The following HYCC2 variants were observed in gnomAD, a reference collection of about 807,000 sequenced individuals.
HYCC2 encodes hyccin PI4KA lipid kinase complex subunit 2, also known as hyccin 2.
the HYCC2 span, among the ~76,000 whole-genome samples, chr2:201,027,724 T>C: frequency 6.6e-6 from 1 of 152,238 alleles, no homozygotes; most frequent in Non-Finnish European, 1.5e-5. Flanking sequence ...CACATGATTA[T>C]CTCAATAGAT....
the HYCC2 span, among the ~76,000 whole-genome samples, chr2:201,039,423 C>A: frequency 6.6e-6 from 1 of 152,148 alleles, no homozygotes; most frequent in African/African-American, 2.4e-5. Flanking sequence ...ACTTGGAAAA[C>A]TAAATACCAA....
At chr2:201,009,873 GT>G in the HYCC2 span, among the ~76,000 whole-genome samples, 1 of 151,918 alleles carries the variant, frequency 6.6e-6, no homozygotes, top group Non-Finnish European at 1.5e-5. Context: ...GGAGGCCAAG[GT>G]GGGCAGATCA....
chr2:201,051,881 A>G, the HYCC2 span, among the ~76,000 whole-genome samples: 1 of 152,186 alleles, frequency 6.6e-6, no homozygotes, highest in Admixed American at 6.6e-5. Context: ...CATAGAGAAC[A>G]CCCCAATCCT....
At chr2:201,049,313 T>C in the HYCC2 span, among the ~76,000 whole-genome samples, 7 of 152,098 alleles carry the variant, frequency 4.6e-5, no homozygotes, top group Non-Finnish European at 8.8e-5. Context: ...TACAGAACAC[T>C]GTAACTAGCA....
At chr2:201,040,610 G>A in the HYCC2 span, among the ~76,000 whole-genome samples, 2 of 151,702 alleles carry the variant, frequency 1.3e-5, no homozygotes, top group Non-Finnish European at 2.9e-5. Context: ...CTCAGCCTCC[G>A]AGTAGCTGGG....
At chr2:201,059,127 T>C in the HYCC2 span, among the ~76,000 whole-genome samples, 1 of 152,210 alleles carries the variant, frequency 6.6e-6, no homozygotes, top group Admixed American at 6.5e-5. Context: ...TTGGACTGTG[T>C]CTGACTGGAA....
At chr2:201,009,303 C>T in the HYCC2 span, 5 of 381,042 alleles carry the variant, frequency 1.3e-5, no homozygotes, top group Non-Finnish European at 2.4e-5. Flanking sequence ...AAACTAAAAA[C>T]ATTTTTTAAA....
the HYCC2 span, among the ~76,000 whole-genome samples, chr2:201,018,251 T>G: frequency 6.6e-6 from 1 of 152,144 alleles, no homozygotes; most frequent in Non-Finnish European, 1.5e-5. Context: ...ATGGGTTTGC[T>G]GGAGTAACCG....
At chr2:201,005,996 G>A in the HYCC2 span, among the ~76,000 whole-genome samples, 1 of 151,908 alleles carries the variant, frequency 6.6e-6, no homozygotes, top group Non-Finnish European at 1.5e-5. Flanking sequence ...ACCACGCCTG[G>A]CTAACTTTTG....
chr2:201,020,967 T>A, the HYCC2 span, among the ~76,000 whole-genome samples: 1 of 151,958 alleles, frequency 6.6e-6, no homozygotes, highest in Admixed American at 6.6e-5. Context: ...CGGGGTTTCA[T>A]CATGTTGGCC....
At chr2:201,015,693 C>T in the HYCC2 span, among the ~76,000 whole-genome samples, 3 of 152,204 alleles carry the variant, frequency 2.0e-5, no homozygotes, top group Non-Finnish European at 4.4e-5. Context: ...CTAAACTCTT[C>T]ACTTTAAAAA....
At chr2:201,024,160 G>T in the HYCC2 span, 1 of 552,594 alleles carries the variant, frequency 1.8e-6, no homozygotes. Context: ...AAGGTGACTT[G>T]TCTTAGTTTG....
chr2:200,983,087 T>C, the HYCC2 span, among the ~76,000 whole-genome samples: 1 of 152,188 alleles, frequency 6.6e-6, no homozygotes, highest in Non-Finnish European at 1.5e-5. Flanking sequence ...TGGGTTTTTG[T>C]AGGAAGAAGA....
chr2:200,981,520 G>A, the HYCC2 span: 1 of 1,614,226 alleles, frequency 6.2e-7, no homozygotes, highest in Non-Finnish European at 8.5e-7. The surrounding 1 kb of genome is among the most constrained non-coding windows in gnomAD (Gnocchi z 4.5). Flanking sequence ...AGCACTGGCT[G>A]TCCGGATTAG....
At chr2:201,040,297 C>T in the HYCC2 span, among the ~76,000 whole-genome samples, 1 of 152,186 alleles carries the variant, frequency 6.6e-6, no homozygotes, top group East Asian at 1.9e-4. Context: ...TGTACAGCAG[C>T]AGTTCTCAGC....
the HYCC2 span, chr2:200,978,610 G>A: frequency 1.3e-5 from 2 of 151,298 alleles, no homozygotes; most frequent in African/African-American, 4.9e-5. Context: ...CGAGTAGCTG[G>A]GATTACAGGC....
chr2:201,001,137 CAAAAA>C, the HYCC2 span, among the ~76,000 whole-genome samples: 2 of 70,334 alleles, frequency 2.8e-5, no homozygotes, highest in Non-Finnish European at 2.9e-5. Flanking sequence ...GACTCTGTCT[CAAAAA>C]AAAAAAAAAA....
the HYCC2 span, chr2:200,988,426 AATG>A: frequency 6.2e-7 from 1 of 1,609,644 alleles, no homozygotes; most frequent in Non-Finnish European, 8.5e-7. Context: ...GGCAACCTAC[AATG>A]ATAATATAAG....
At chr2:201,036,726 G>C in the HYCC2 span, among the ~76,000 whole-genome samples, 35 of 152,150 alleles carry the variant, frequency 2.3e-4, no homozygotes, top group African/African-American at 8.2e-4. Flanking sequence ...CAATAAATTA[G>C]ATACTGATGG....
Sources: allele counts gnomAD v4.1 joint callset (sites outside exome capture counted in the v4.1 genomes callset), GRCh38; gene constraint gnomAD v4.1.1; non-coding constraint Gnocchi (gnomAD v3.1); transcripts MANE v1.5; gene names NCBI Gene and HGNC (gene_info 2026-07-23, HGNC 2026-07-21).